Variants in TCEANC2 observed in about 807,000 individuals in gnomAD.
TCEANC2 encodes the protein transcription elongation factor A N-terminal and central domain-containing protein 2.
A neutral mutation model predicts 22.8 loss-of-function variants in TCEANC2; 20 were observed. The ratio of observed to expected loss-of-function variants is 0.88; its 90% confidence interval spans 0.62 to 1.28. The LOEUF (loss-of-function observed/expected upper bound fraction) is 1.28. Among genes scored for constraint, TCEANC2 ranks in the 50% most tolerant of loss-of-function variants. TCEANC2 has a pLI of 0.00. For missense variants in TCEANC2, 251 were observed against 249.7 expected, an observed-to-expected ratio of 1.01 and a Z score of -0.03; for synonymous variants, 84 against 95.5, an observed-to-expected ratio of 0.88 and a Z score of 0.70.
chr1:54,090,061 T>G lies in TCEANC2; in HGVS notation c.438+1271T>G, dbSNP rs571167365. 415 of 658,994 alleles carry G rather than the reference T, an allele frequency of 6.3e-4. 2 individuals carry two copies. The highest frequency in any genetic ancestry group is 6.3e-3 in the South Asian group (405 of 64,710). 40.8% of individuals were successfully genotyped at this position (658,994 alleles called of 1,614,324 possible). A position where few individuals can be genotyped will look rare whatever the true frequency, so the allele number is the denominator to read the frequency against. ...AGAATAGAATGGAACCTGTCCCCTGTTGGCAGGGTCACCCCAAAGGAATGG... is the reference window on the plus strand; with the variant it reads ...AGAATAGAATGGAACCTGTCCCCTGGTGGCAGGGTCACCCCAAAGGAATGG... On this transcript the variant is annotated intron_variant, in intron 4 of 4. Coordinates refer to ENST00000234827, the MANE Select transcript of TCEANC2 (RefSeq NM_153035.3).
rs764064203 is a variant in TCEANC2, at chr1:54,104,667, G to A, written c.*8194G>A. The A allele has an allele frequency of 1.9e-5, 8 of 423,274 alleles. No homozygotes were observed. Among genetic ancestry groups the A allele is most frequent in the African/African-American group, 1.2e-4 (6 of 49,154 alleles). 26.2% of individuals were successfully genotyped at this position (423,274 alleles called of 1,614,324 possible). A position where few individuals can be genotyped will look rare whatever the true frequency, so the allele number is the denominator to read the frequency against. ...AGCTATTCTCCTGCCTCAGCCTCCC[G>A]AGTAACTGGGATTACAGGCATGTGC... On this transcript the variant is annotated 3_prime_UTR_variant, in exon 5 of 5. Transcript: ENST00000234827.
At chr1:54,074,112 A>G (rs980091225) in intron 3 of TCEANC2, among the ~76,000 whole-genome samples, 9 of 152,202 alleles carry the variant, frequency 5.9e-5, no homozygotes, top group African/African-American at 2.2e-4. Flanking sequence ...CTAAGGAAAG[A>G]TTGTAACTAT....
chr1:54,065,889 G>C (rs920958479), intron 2 of TCEANC2, among the ~76,000 whole-genome samples: 2 of 152,024 alleles, frequency 1.3e-5, no homozygotes, highest in Non-Finnish European at 2.9e-5. Flanking sequence ...CTGGGCAACA[G>C]AGTGAGACCC....
chr1:54,062,188 C>T (rs1657870099), intron 2 of TCEANC2, among the ~76,000 whole-genome samples: 1 of 152,182 alleles, frequency 6.6e-6, no homozygotes, highest in Admixed American at 6.5e-5. Context: ...TTTTGTCAAA[C>T]CTGACATTTC....
At chr1:54,059,688 T>C (rs765854288) in intron 2 of TCEANC2, among the ~76,000 whole-genome samples, 12 of 152,198 alleles carry the variant, frequency 7.9e-5, no homozygotes, top group Non-Finnish European at 1.6e-4. Context: ...TCCAATCCAC[T>C]ATGAATTCCT....
chr1:54,086,818 C>T (rs1347699769), intron 3 of TCEANC2, among the ~76,000 whole-genome samples: 1 of 152,106 alleles, frequency 6.6e-6, no homozygotes, highest in Non-Finnish European at 1.5e-5. Flanking sequence ...TTAAGGGGTA[C>T]CAAACTTAGC....
intron 2 of TCEANC2, among the ~76,000 whole-genome samples, chr1:54,055,867 CGT>C (rs1282239770): frequency 6.6e-6 from 1 of 152,138 alleles, no homozygotes; most frequent in Non-Finnish European, 1.5e-5. Flanking sequence ...ATCTATAAAA[CGT>C]GGAGATTGAA....
Position 54,096,891 on chromosome 1 carries a change from C to T in TCEANC2, c.*418C>T. On this transcript the variant is annotated 3_prime_UTR_variant, in exon 5 of 5. Transcript: ENST00000234827. The surrounding 1 kb of genome is among the most constrained non-coding windows in gnomAD (Gnocchi z 4.9). ...CTGCCGCTCACTCGGTTCCATCCCC[C>T]TGAGTTTAGATAGCTCTGGTGCCTC... 1 of 990,016 alleles carries T rather than the reference C, an allele frequency of 1.0e-6. No individual in the cohort carries two copies. Among genetic ancestry groups the T allele is most frequent in the Non-Finnish European group, 1.2e-6 (1 of 832,520 alleles). The allele number at this position is 990,016 out of a possible 1,614,324, so 61.3% of individuals were successfully genotyped here.
chr1:54,069,891 G>A (rs1658026192), intron 3 of TCEANC2, among the ~76,000 whole-genome samples: 2 of 152,254 alleles, frequency 1.3e-5, no homozygotes, highest in East Asian at 3.9e-4. Context: ...AATACGTAAG[G>A]GAGGGCCAAC....
At chr1:54,109,336 C>T (rs888880627), downstream of TCEANC2, among the ~76,000 whole-genome samples, 13 of 152,176 alleles carry the variant, frequency 8.5e-5, no homozygotes, top group East Asian at 7.7e-4. Flanking sequence ...GTAAGTGTGA[C>T]GTGGATGGAG....
intron 3 of TCEANC2, among the ~76,000 whole-genome samples, chr1:54,080,749 G>T (rs1203880750): frequency 6.6e-6 from 1 of 152,212 alleles, no homozygotes; most frequent in Admixed American, 6.5e-5. Flanking sequence ...ACTGCTTCCT[G>T]CAGGGAATTT....
downstream of TCEANC2, among the ~76,000 whole-genome samples, chr1:54,110,098 G>A (rs934383730): frequency 6.6e-6 from 1 of 152,168 alleles, no homozygotes; most frequent in African/African-American, 2.4e-5. Context: ...CTCCTGTACA[G>A]GCTAGAGACT....
chr1:54,111,554 G>A (rs1181585438), exon 5 of TCEANC2: 2 of 152,084 alleles, frequency 1.3e-5, no homozygotes, highest in East Asian at 3.9e-4. Context: ...TTCCCACACC[G>A]GGCAGAAAGC....
At chr1:54,062,037 C>T (rs1657867351) in intron 2 of TCEANC2, among the ~76,000 whole-genome samples, 1 of 152,216 alleles carries the variant, frequency 6.6e-6, no homozygotes, top group South Asian at 2.1e-4. Flanking sequence ...TATACTCATT[C>T]TTTTAGGTTC....
chr1:54,068,859 A>T lies in TCEANC2; in HGVS notation c.206A>T (p.Lys69Ile). The change falls in exon 3 of 5, where the codon AAA (lysine) becomes ATA (isoleucine). Residue 69 changes from lysine (K) to isoleucine (I), a missense_variant. Transcript: ENST00000234827. ...LVEALQELKK[K>I]IPSREVLKST... ...GAAGCCTTACAAGAATTAAAGAAGAAAATACCCTCCAGGGAAGTGTTAAAA... is the reference window on the plus strand; with the variant it reads ...GAAGCCTTACAAGAATTAAAGAAGATAATACCCTCCAGGGAAGTGTTAAAA... 6.2e-7 allele frequency: 1 copy of T among 1,610,858 alleles called. No homozygotes were observed. The highest frequency in any genetic ancestry group is 8.5e-7 in the Non-Finnish European group (1 of 1,178,982).
intron 3 of TCEANC2, among the ~76,000 whole-genome samples, chr1:54,073,171 T>G (rs1658089391): frequency 6.6e-6 from 1 of 152,062 alleles, no homozygotes; most frequent in Non-Finnish European, 1.5e-5. Flanking sequence ...CTCGCTGTGT[T>G]GCCCAGGATG....
rs920154328 is a variant in TCEANC2 at position 54,053,727 on chromosome 1, G to T, written c.-74G>T. Reference sequence around the variant, plus strand: ...CCTACGAGGTTGCAGTCTGGAGGGCGCCAACAGCAGCTACCAGGGCTGCTT... The same window carrying T: ...CCTACGAGGTTGCAGTCTGGAGGGCTCCAACAGCAGCTACCAGGGCTGCTT... On this transcript the variant is annotated 5_prime_UTR_variant, in exon 1 of 5. Transcript: ENST00000234827. The T allele has an allele frequency of 1.3e-5, 2 of 153,660 alleles. No individual in the cohort carries two copies. Among genetic ancestry groups the T allele is most frequent in the African/African-American group, 4.8e-5 (2 of 41,482 alleles). The allele number at this position is 153,660 out of a possible 1,614,324, so 9.5% of individuals were successfully genotyped here.
intron 2 of TCEANC2, among the ~76,000 whole-genome samples, chr1:54,062,243 T>C (rs1657871417): frequency 6.6e-6 from 1 of 152,242 alleles, no homozygotes; most frequent in Admixed American, 6.5e-5. Context: ...GGAAAGCACA[T>C]CTTCTTTCTG....
intron 3 of TCEANC2, among the ~76,000 whole-genome samples, chr1:54,069,187 T>C (rs1159418232): frequency 6.6e-6 from 1 of 152,252 alleles, no homozygotes; most frequent in Non-Finnish European, 1.5e-5. Context: ...AGTTTCTAAA[T>C]GCTTACATTT....
Sources: gnomAD v4.1 joint callset for allele counts (sites outside exome capture counted in the v4.1 genomes callset) on GRCh38, gnomAD v4.1.1 for gene constraint, Gnocchi (gnomAD v3.1) non-coding constraint, MANE v1.5 for transcripts, NCBI Gene and HGNC (gene_info 2026-07-23, HGNC 2026-07-21) for gene names.